Variants in FRYL observed in about 807,000 individuals in gnomAD.
FRYL encodes protein furry homolog-like.
FRYL carries 150 observed loss-of-function variants against 351.2 expected under a neutral mutation model. The ratio of observed to expected loss-of-function variants is 0.43; its 90% CI spans 0.37 to 0.49. The LOEUF (loss-of-function observed/expected upper bound fraction) is 0.49. Among genes scored for constraint, FRYL ranks in the 20% least tolerant of loss-of-function variants. The pLI is 0.00. For synonymous variants in FRYL, 1,153 were observed against 1,257.1 expected (o/e 0.92, Z 1.75); for missense variants, 3,036 against 3,619.3 (o/e 0.84, Z 4.13).
rs563447113 is a variant in FRYL, at chr4:48,710,697, G to C, written c.-382C>G. 2.5e-6 allele frequency: 1 copy of C among 397,762 alleles called. No individual in the cohort carries two copies. Among genetic ancestry groups the C allele is most frequent in the African/African-American group, 2.1e-5 (1 of 48,716 alleles). The allele number at this position is 397,762 out of a possible 1,614,324, so 24.6% of individuals were successfully genotyped here. ...GTGAAGCAGAATATGGAATGTTCTA[G>C]GCTGGAAGATTAAAAAATAGGAAAT... On this transcript the variant is annotated splice_region_variant and 5_prime_UTR_variant, in exon 2 of 64. Coordinates refer to ENST00000358350, the MANE Select transcript of FRYL (RefSeq NM_015030.2).
At chr4:48,772,360 T>C (rs1775600488) in intron 1 of FRYL, among the ~76,000 whole-genome samples, 1 of 152,124 alleles carries the variant, frequency 6.6e-6, no homozygotes, top group Admixed American at 6.6e-5. Flanking sequence ...CACTCCAGCC[T>C]GGGCAACAGA....
Position 48,602,136 on chromosome 4 carries a change from G to GAA in FRYL, c.934-17_934-16dup, listed in dbSNP as rs1377538961. Reference sequence around the variant, plus strand: ...GGATATAAAGCCTATAGGAGACGGGGAAAAGACAGAATTAACATTTTTCAT... The same window carrying GAA: ...GGATATAAAGCCTATAGGAGACGGGGAAAAAAGACAGAATTAACATTTTTCAT... On this transcript the variant is annotated splice_polypyrimidine_tract_variant and intron_variant, in intron 12 of 63. Transcript: ENST00000358350. 2 of 1,270,570 alleles carry GAA rather than the reference G, an allele frequency of 1.6e-6. No homozygotes were observed. Among genetic ancestry groups the GAA allele is most frequent in the Non-Finnish European group, 2.3e-6 (2 of 874,310 alleles). The allele number at this position is 1,270,570 out of a possible 1,614,324, so 78.7% of individuals were successfully genotyped here. A position where few individuals can be genotyped will look rare whatever the true frequency, so the allele number is the denominator to read the frequency against.
intron 35 of FRYL, among the ~76,000 whole-genome samples, chr4:48,554,314 A>G (rs1410765714): frequency 2.0e-5 from 3 of 151,972 alleles, no homozygotes; most frequent in African/African-American, 7.2e-5. Context: ...GAATCTTAAA[A>G]CATGATTTAT....
chr4:48,554,787 G>A (rs551541721), intron 35 of FRYL, among the ~76,000 whole-genome samples: 4 of 152,098 alleles, frequency 2.6e-5, no homozygotes, highest in Admixed American at 1.3e-4. Flanking sequence ...GGTTCCTTCC[G>A]CCTGACTGTG....
At chr4:48,593,368 G>A (rs1236409248) in intron 16 of FRYL, among the ~76,000 whole-genome samples, 2 of 148,764 alleles carry the variant, frequency 1.3e-5, no homozygotes, top group Non-Finnish European at 3.0e-5. Flanking sequence ...TTTTGAGACA[G>A]AGTTTCGCTC....
intron 55 of FRYL, among the ~76,000 whole-genome samples, chr4:48,516,586 A>G (rs1429550595): frequency 6.6e-6 from 1 of 152,194 alleles, no homozygotes; most frequent in African/African-American, 2.4e-5. Flanking sequence ...TCCTTCCAAA[A>G]TAAGAAAAGT....
In FRYL at chr4:48,637,788, G is replaced by A. The variant is rs149067636; in HGVS notation, c.-80-3298C>T. 250 of 152,120 alleles carry A rather than the reference G, an allele frequency of 1.6e-3. 2 individuals carry two copies. The highest frequency in any genetic ancestry group is 5.8e-3 in the African/African-American group (241 of 41,524). 9.4% of individuals were successfully genotyped at this position (152,120 alleles called of 1,614,324 possible). ...GATGGCTTACACTCTCCATAGCACT[G>A]TATTTAATATATTTAATAAAATAAT... On this transcript the variant is annotated intron_variant, in intron 3 of 63. Coordinates refer to ENST00000358350, the MANE Select transcript of FRYL (RefSeq NM_015030.2).
intron 16 of FRYL, among the ~76,000 whole-genome samples, chr4:48,592,051 T>A (rs1242491186): frequency 7.4e-6 from 1 of 135,768 alleles, no homozygotes; most frequent in African/African-American, 3.1e-5. Flanking sequence ...TGCAAGGTAG[T>A]TCAATGGAAT....
At chr4:48,655,949 A>C (rs1170107285) in intron 3 of FRYL, among the ~76,000 whole-genome samples, 3 of 139,204 alleles carry the variant, frequency 2.2e-5, no homozygotes, top group African/African-American at 5.2e-5. Flanking sequence ...ATGCGTAATT[A>C]TATGTACATT....
Position 48,570,829 on chromosome 4 carries a change from G to A in FRYL, c.2994C>T (p.His998=). Residue 998 remains histidine (H), a splice_region_variant and synonymous_variant, in exon 27 of 64, where the codon CAC becomes CAT. Coordinates refer to ENST00000358350, the MANE Select transcript of FRYL (RefSeq NM_015030.2). ...ELLADAGVIS[H]SASGGLDNET... is the part of the protein sequence containing the mutation. ...AACAATGTGAATCCAATACTGACCT[G>A]TGACTAATGACACCAGCATCTGCCA... The A allele has an allele frequency of 6.2e-7, 1 of 1,606,450 alleles. No homozygotes were observed. The highest frequency in any genetic ancestry group is 8.5e-7 in the Non-Finnish European group (1 of 1,173,038).
chr4:48,541,651 C>G (rs1279054137), intron 45 of FRYL, among the ~76,000 whole-genome samples: 1 of 152,148 alleles, frequency 6.6e-6, no homozygotes, highest in Non-Finnish European at 1.5e-5. Flanking sequence ...CTAGTCAATT[C>G]TGGGCTTGCA....
intron 31 of FRYL, among the ~76,000 whole-genome samples, 189 bp downstream of exon 31, chr4:48,563,759 T>C (rs1578137252): frequency 6.7e-6 from 1 of 149,040 alleles, no homozygotes; most frequent in East Asian, 2.0e-4. Context: ...TAAATACAAA[T>C]ACTACAGCAT....
intron 54 of FRYL, 36 bp from the exon 55 acceptor site, chr4:48,521,251 A>G: frequency 6.7e-7 from 1 of 1,491,340 alleles, no homozygotes. Context: ...GAATTCATTT[A>G]TGAGTCAAAA....
intron 18 of FRYL, among the ~76,000 whole-genome samples, chr4:48,588,226 T>C (rs796144685): frequency 1.2e-4 from 19 of 152,314 alleles, no homozygotes; most frequent in African/African-American, 4.3e-4. Flanking sequence ...AAAGAGGGTA[T>C]TGGCTAACAA....
chr4:48,577,031 A>G (rs986654353), intron 23 of FRYL, among the ~76,000 whole-genome samples: 5 of 152,258 alleles, frequency 3.3e-5, no homozygotes, highest in African/African-American at 1.2e-4. Flanking sequence ...ACTATATGCT[A>G]TATCAATATA....
At chr4:48,651,223 T>A (rs1316918402) in intron 3 of FRYL, among the ~76,000 whole-genome samples, 1 of 46,902 alleles carries the variant, frequency 2.1e-5, no homozygotes, top group Non-Finnish European at 4.7e-5. Flanking sequence ...CGTGTGTGTG[T>A]GTGTGTGTGT....
intron 1 of FRYL, among the ~76,000 whole-genome samples, chr4:48,745,609 G>C (rs990946599): frequency 6.6e-6 from 1 of 152,122 alleles, no homozygotes; most frequent in Non-Finnish European, 1.5e-5. Context: ...GTTGTGGGGT[G>C]GGGGGAGTGG....
chr4:48,662,930 A>G (rs1578606689), intron 3 of FRYL, among the ~76,000 whole-genome samples: 1 of 152,194 alleles, frequency 6.6e-6, no homozygotes, highest in Non-Finnish European at 1.5e-5. Context: ...GACAAAAGCT[A>G]AAAGACTTTG....
At chr4:48,732,369 G>C (rs139657804) in intron 1 of FRYL, among the ~76,000 whole-genome samples, 13,410 of 152,134 alleles carry the variant, frequency 0.088, 826 homozygotes, top group East Asian at 0.32. Context: ...ACAGGGTGGT[G>C]ATTCCTCAAG....
Sources: allele counts gnomAD v4.1 joint callset (sites outside exome capture counted in the v4.1 genomes callset), GRCh38; gene constraint gnomAD v4.1.1; transcripts MANE v1.5; gene names NCBI Gene and HGNC (gene_info 2026-07-23, HGNC 2026-07-21).